Variants in AKAP9 observed in about 807,000 individuals in gnomAD.
The protein encoded by AKAP9 is A-kinase anchor protein 9.
AKAP9 carries 311 observed loss-of-function variants against 488.5 expected under a neutral mutation model. The observed-to-expected ratio is 0.64, with a 90% CI of 0.58 to 0.70. The LOEUF is 0.70. AKAP9 is among the 30% of genes least tolerant of loss of function. The pLI is 0.00. For missense variants in AKAP9, 4,215 were observed against 4,374.5 expected (o/e 0.96, Z 1.03); for synonymous variants, 1,462 against 1,483.5 (o/e 0.99, Z 0.33).
intron 15 of AKAP9, 24 bp from the exon 16 acceptor site, chr7:92,031,488 G>A (rs775720729): frequency 2.0e-6 from 3 of 1,485,710 alleles, no homozygotes; most frequent in Admixed American, 3.3e-5. Flanking sequence ...GTAAATAAAT[G>A]TCATATTTTG....
Position 92,070,031 on chromosome 7 carries a change from T to G in AKAP9, c.6332T>G (p.Val2111Gly). Residue 2111 changes from valine (V) to glycine (G), a missense_variant and splice_region_variant, in exon 27 of 50, where the codon GTT becomes GGT. Coordinates refer to ENST00000356239, the MANE Select transcript of AKAP9 (RefSeq NM_005751.5). ...QPISEHQTRE[V>G]EQLANHLKEK... ...AATTTTTTGCCTCTTATATTTCAGG[T>G]TGAACAGTTAGCAAATCATCTGAAA... 6.2e-7 allele frequency: 1 copy of G among 1,612,446 alleles called. No individual in the cohort carries two copies. Among genetic ancestry groups the G allele is most frequent in the Non-Finnish European group, 8.5e-7 (1 of 1,179,648 alleles).
At chr7:92,030,566 T>C (rs1804052888) in intron 15 of AKAP9, among the ~76,000 whole-genome samples, 1 of 141,098 alleles carries the variant, frequency 7.1e-6, no homozygotes, top group Admixed American at 7.8e-5. Flanking sequence ...CGCTTGAACC[T>C]GGGAGGCAGA....
intron 1 of AKAP9, among the ~76,000 whole-genome samples, chr7:91,965,266 A>G (rs1261853748): frequency 2.0e-5 from 3 of 152,154 alleles, no homozygotes; most frequent in African/African-American, 7.2e-5. Flanking sequence ...CAGCTCCCAT[A>G]TATGAGTGAG....
intron 29 of AKAP9, among the ~76,000 whole-genome samples, 189 bp downstream of exon 29, chr7:92,077,196 A>G (rs1353311322): frequency 6.7e-6 from 1 of 150,258 alleles, no homozygotes; most frequent in African/African-American, 2.5e-5. Flanking sequence ...CCCTGGTTCA[A>G]GCAATTCTGC....
rs771102587 is a variant in AKAP9, at chr7:92,002,780, C to T, written c.2863C>T (p.Leu955=). Residue 955 remains leucine, a synonymous_variant, in exon 8 of 50, where the codon CTG becomes TTG. Transcript: ENST00000356239. ...GGTAACCAAGCGAGAGAAATTAGAG[C>T]TGTCACAGAGACTGTCTGATCTTTC... ...LEVTKREKLE[L]SQRLSDLSEQ... is the part of the protein sequence containing the mutation. 6.2e-7 allele frequency: 1 copy of T among 1,613,664 alleles called. No homozygotes were observed. Among genetic ancestry groups the T allele is most frequent in the South Asian group, 1.1e-5 (1 of 91,060 alleles).
chr7:92,051,584 A>G (rs1441581268), intron 21 of AKAP9, among the ~76,000 whole-genome samples: 1 of 152,204 alleles, frequency 6.6e-6, no homozygotes, highest in Non-Finnish European at 1.5e-5. Context: ...ATGCTTAGTG[A>G]ATATTGAATT....
chr7:92,092,159 A>T (rs1815741782), intron 38 of AKAP9: 1 of 152,212 alleles, frequency 6.6e-6, no homozygotes, highest in South Asian at 2.1e-4. Flanking sequence ...AGGAATCCTG[A>T]TACATATTTT....
At chr7:91,973,577 A>G in intron 1 of AKAP9, 134 bp from the exon 2 acceptor site, 2 of 967,210 alleles carry the variant, frequency 2.1e-6, no homozygotes, top group South Asian at 3.3e-5. Flanking sequence ...GACTGTAATA[A>G]TTGTTCTTTA....
intron 38 of AKAP9, among the ~76,000 whole-genome samples, chr7:92,090,810 A>G (rs1815411523): frequency 6.6e-6 from 1 of 152,180 alleles, no homozygotes; most frequent in Admixed American, 6.5e-5. Flanking sequence ...TATGACTAAG[A>G]GCAGAATTGC....
rs1320075844 is a variant in AKAP9, at chr7:91,995,748, A to C, written c.878A>C (p.Asp293Ala). ...LLEDYQKKKEDFTMQISFLQE... is the reference protein window; with the variant it reads ...LLEDYQKKKEAFTMQISFLQE... ...GAAGATTATCAGAAAAAGAAAGAAG[A>C]CTTCACAATGCAAATTAGTTTCTTG... is the stretch of plus-strand genomic sequence containing the variant. Residue 293 changes from aspartate to alanine, a missense_variant, in exon 7 of 50, where the codon GAC becomes GCC. Transcript: ENST00000356239. 2 of 1,613,090 alleles carry C rather than the reference A, an allele frequency of 1.2e-6. No individual in the cohort carries two copies. Among genetic ancestry groups the C allele is most frequent in the Admixed American group, 1.7e-5 (1 of 59,990 alleles).
intron 43 of AKAP9, 145 bp from the exon 44 acceptor site, chr7:92,099,542 G>T (rs2130906805): frequency 1.2e-6 from 1 of 821,526 alleles, no homozygotes; most frequent in Non-Finnish European, 2.1e-6. Flanking sequence ...TATCTTTTCT[G>T]CCTGGTAAAT....
intron 13 of AKAP9, 40 bp downstream of exon 13, chr7:92,022,392 G>T: frequency 1.4e-6 from 2 of 1,385,736 alleles, no homozygotes; most frequent in Non-Finnish European, 2.1e-6. Context: ...TGTTTTTATA[G>T]CAAATATTGA....
chr7:92,090,657 A>T (rs1356593794), intron 38 of AKAP9: 1 of 151,844 alleles, frequency 6.6e-6, no homozygotes, highest in Non-Finnish European at 1.5e-5. Context: ...TCCTGTATAG[A>T]TACTCCAAAA....
chr7:92,097,230 A>C lies in AKAP9; in HGVS notation c.10271A>C (p.Gln3424Pro). ...DLQRQLEEKR[Q>P]QVYKLDLEGQ... Reference sequence around the variant, plus strand: ...CAGCGCCAGCTGGAAGAGAAAAGACAACAAGTTTATAAGTTAGACCTTGAA... The same window carrying C: ...CAGCGCCAGCTGGAAGAGAAAAGACCACAAGTTTATAAGTTAGACCTTGAA... The change falls in exon 41 of 50, where the codon CAA becomes CCA. Residue 3424 changes from glutamine (Q) to proline (P), a missense_variant. Around this residue, in one of 5 missense-constraint regions of AKAP9, gnomAD observed 1,476 missense variants for 1,477.4 expected, o/e 1.00. Transcript: ENST00000356239. 1 of 1,612,796 alleles carries C rather than the reference A, an allele frequency of 6.2e-7. No homozygotes were observed. The highest frequency in any genetic ancestry group is 8.5e-7 in the Non-Finnish European group (1 of 1,179,718).
intron 26 of AKAP9, 21 bp downstream of exon 26, chr7:92,066,567 G>A (rs1431177489): frequency 2.5e-6 from 4 of 1,612,710 alleles, no homozygotes; most frequent in Middle Eastern, 1.7e-4. Context: ...CACTGATATT[G>A]CCCAACTTAC....
At chr7:92,077,462 C>T (rs1477258077) in intron 29 of AKAP9, among the ~76,000 whole-genome samples, 1 of 151,978 alleles carries the variant, frequency 6.6e-6, no homozygotes, top group Non-Finnish European at 1.5e-5. Context: ...CATTAACAGG[C>T]AGACACATTT....
In AKAP9 at chr7:92,083,573, G is replaced by A; in HGVS notation, c.8564G>A (p.Arg2855Lys). The A allele has an allele frequency of 6.2e-7, 1 of 1,602,852 alleles. No homozygotes were observed. Among genetic ancestry groups the A allele is most frequent in the Middle Eastern group, 1.7e-4 (1 of 5,986 alleles). Reference protein sequence around the residue: ...RHISETETLKREHYVAVQLLK... With the variant: ...RHISETETLKKEHYVAVQLLK... ...ATTTCAGAAACTGAAACCTTAAAGA[G>A]GGAACACTATGTTGCCGTTCAGTTA... The change falls in exon 33 of 50, where the codon AGG becomes AAG. Residue 2855 changes from arginine (R) to lysine (K), a missense_variant. Transcript: ENST00000356239.
In AKAP9 at chr7:92,031,560, C is replaced by A; in HGVS notation, c.4294C>A (p.Leu1432Ile). The change falls in exon 16 of 50, where the codon CTT becomes ATT. Residue 1432 changes from leucine (L) to isoleucine (I), a missense_variant. This residue lies in a region of AKAP9 where 2,361 missense variants were observed against 2,430.0 expected (regional missense o/e 0.97). Transcript: ENST00000356239. ...AGAGGAAACAAATATCGTTAAGTTGCTTGAAAAACAATACCAAGAACAATT... is the reference window on the plus strand; with the variant it reads ...AGAGGAAACAAATATCGTTAAGTTGATTGAAAAACAATACCAAGAACAATT... ...VKEETNIVKLLEKQYQEQLEE... is the reference protein window; with the variant it reads ...VKEETNIVKLIEKQYQEQLEE... The A allele has an allele frequency of 6.2e-7, 1 of 1,612,650 alleles. No homozygotes were observed. The highest frequency in any genetic ancestry group is 8.5e-7 in the Non-Finnish European group (1 of 1,179,156).
In AKAP9 at chr7:92,097,199, G is replaced by A. The variant is rs772939440; in HGVS notation, c.10240G>A (p.Asp3414Asn). The A allele has an allele frequency of 2.5e-6, 4 of 1,612,952 alleles. No homozygotes were observed. Among genetic ancestry groups the A allele is most frequent in the Middle Eastern group, 3.3e-4 (2 of 6,082 alleles). ...GCATGAGCTCCAGTCCAAAGTGGAA[G>A]ATCTTCAGCGCCAGCTGGAAGAGAA... The part of the protein sequence containing the change: ...KMHELQSKVE[D>N]LQRQLEEKRQ... Residue 3414 changes from aspartate to asparagine, a missense_variant, in exon 41 of 50, where the codon GAT (aspartate) becomes AAT (asparagine). By Grantham distance (23) the Asp-to-Asn change is conservative (BLOSUM62 1). This residue lies in a region of AKAP9 where 1,476 missense variants were observed against 1,477.4 expected (regional missense o/e 1.00). Coordinates refer to ENST00000356239, the MANE Select transcript of AKAP9 (RefSeq NM_005751.5).
Sources: allele counts gnomAD v4.1 joint callset (sites outside exome capture counted in the v4.1 genomes callset), GRCh38; gene constraint gnomAD v4.1.1; regional missense constraint gnomAD v4.1.1; transcripts MANE v1.5; gene names NCBI Gene and HGNC (gene_info 2026-07-23, HGNC 2026-07-21).